The following NR1D2 variants were observed in gnomAD, a reference collection of about 807,000 sequenced individuals.
NR1D2 encodes nuclear receptor subfamily 1 group D member 2.
In NR1D2, 25 loss-of-function variants were observed where a neutral mutation model predicts 52.2. The observed-to-expected ratio is 0.48, with a 90% CI of 0.35 to 0.67. NR1D2 has a LOEUF of 0.67. NR1D2 is among the 30% of genes least tolerant of loss of function. The probability of loss-of-function intolerance (pLI) is 0.01; values close to 1 mark genes in which losing one functional copy is unlikely to be tolerated. For missense variants in NR1D2, 681 were observed against 707.2 expected (o/e 0.96, Z 0.42); for synonymous variants, 259 against 230.1 (o/e 1.13, Z -1.14).
rs549490294 is a variant in NR1D2, at chr3:23,963,379, A to G, written c.1146+774A>G. 5.8e-5 allele frequency: 74 copies of G among 1,268,098 alleles called. No homozygotes were observed. The African/African-American group carries it at 7.0e-4, about 12-fold the overall frequency. 78.6% of individuals were successfully genotyped at this position (1,268,098 alleles called of 1,614,324 possible). A position where few individuals can be genotyped will look rare whatever the true frequency, so the allele number is the denominator to read the frequency against. On this transcript the variant is annotated intron_variant, in intron 5 of 7. Coordinates refer to ENST00000312521, the MANE Select transcript of NR1D2 (RefSeq NM_005126.5). ...TTTCAAAATAGTTGACTCTACCTCAATCTTCATTAAAATTTTTGTTGTCAC... is the reference window on the plus strand; with the variant it reads ...TTTCAAAATAGTTGACTCTACCTCAGTCTTCATTAAAATTTTTGTTGTCAC...
At chr3:23,975,094 C>T (rs1706687169) in intron 7 of NR1D2, among the ~76,000 whole-genome samples, 1 of 152,012 alleles carries the variant, frequency 6.6e-6, no homozygotes, top group South Asian at 2.1e-4. Flanking sequence ...GCTGAGATTA[C>T]AGGAATGAGC....
rs745769624 is a variant in NR1D2 at position 23,956,018 on chromosome 3, G to A, written c.284-19G>A. On this transcript the variant is annotated intron_variant, in intron 2 of 7. Transcript: ENST00000312521. ...GGTGTTTCCTCCTACTTTTTACTTC[G>A]TGTCCTTTTGTGTCCTAGAATTTAG... The A allele has an allele frequency of 2.5e-5, 39 of 1,581,224 alleles. No homozygotes were observed. The highest frequency in any genetic ancestry group is 1.9e-4 in the Admixed American group (11 of 59,380).
At position 23,968,033 on chromosome 3, in the gene NR1D2, C is replaced by T. The variant is rs1455900177; in HGVS notation, c.1543+10C>T. 2 of 1,612,334 alleles carry T rather than the reference C, an allele frequency of 1.2e-6. No individual in the cohort carries two copies. Among genetic ancestry groups the T allele is most frequent in the Admixed American group, 3.3e-5 (2 of 60,008 alleles). On this transcript the variant is annotated intron_variant, in intron 7 of 7. Transcript: ENST00000312521. ...GTCCTGGTATCTGCAGGTAAGCAAGCTGGTTCAAAATTGTGCCACACCTAG... is the reference window on the plus strand; with the variant it reads ...GTCCTGGTATCTGCAGGTAAGCAAGTTGGTTCAAAATTGTGCCACACCTAG...
chr3:23,946,887 C>CA (rs1156886490), intron 1 of NR1D2, among the ~76,000 whole-genome samples: 8 of 152,192 alleles, frequency 5.3e-5, no homozygotes, highest in Admixed American at 5.2e-4. Flanking sequence ...GTTATGGAAA[C>CA]AGCCAGCTTT....
chr3:23,977,188 G>T, intron 7 of NR1D2, 35 bp from the exon 8 acceptor site: 1 of 1,179,306 alleles, frequency 8.5e-7, no homozygotes, highest in Non-Finnish European at 1.1e-6. Context: ...AATTTATCCT[G>T]TTTTTCCTAT....
At chr3:23,946,103 A>G in intron 1 of NR1D2, 1 of 984,002 alleles carries the variant, frequency 1.0e-6, no homozygotes, top group East Asian at 1.2e-4. Context: ...GCCTCGGGGC[A>G]GTGACGTCGC....
At chr3:23,976,119 G>C (rs1388965463) in intron 7 of NR1D2, among the ~76,000 whole-genome samples, 1 of 152,236 alleles carries the variant, frequency 6.6e-6, no homozygotes, top group Non-Finnish European at 1.5e-5. Flanking sequence ...AGGTTTGCCT[G>C]ATTTTAAGAT....
intron 6 of NR1D2, among the ~76,000 whole-genome samples, chr3:23,967,178 C>G (rs1706469374): frequency 1.3e-5 from 2 of 152,076 alleles, no homozygotes; most frequent in African/African-American, 2.4e-5. Flanking sequence ...ATAAAATCAG[C>G]TGGGCGTGGT....
intron 1 of NR1D2, 82 bp downstream of exon 1, chr3:23,945,676 G>T (rs1318049176): frequency 1.5e-5 from 14 of 957,972 alleles, no homozygotes; most frequent in Admixed American, 9.7e-5. Context: ...GCGGCGGCAG[G>T]GGGTGTCCCC....
intron 1 of NR1D2, among the ~76,000 whole-genome samples, chr3:23,947,429 G>T (rs1333072667): frequency 6.6e-6 from 1 of 152,132 alleles, no homozygotes; most frequent in Non-Finnish European, 1.5e-5. Flanking sequence ...TGTTTTTTCT[G>T]ATCACTCATC....
At chr3:23,956,685 G>A (rs1418485325) in intron 3 of NR1D2, among the ~76,000 whole-genome samples, 2 of 152,136 alleles carry the variant, frequency 1.3e-5, no homozygotes, top group Non-Finnish European at 2.9e-5. Flanking sequence ...TGTAAGTTTA[G>A]TTGACTATTT....
rs1422031894 is a variant in NR1D2 at position 23,978,256 on chromosome 3, A to G, written c.*837A>G. 3 of 152,160 alleles carry G rather than the reference A, an allele frequency of 2.0e-5. No homozygotes were observed. Among genetic ancestry groups the G allele is most frequent in the African/African-American group, 7.2e-5 (3 of 41,440 alleles). The allele number at this position is 152,160 out of a possible 1,614,324, so 9.4% of individuals were successfully genotyped here. A position where few individuals can be genotyped will look rare whatever the true frequency, so the allele number is the denominator to read the frequency against. ...ATAATATGTATGTGAATATAGTTAA[A>G]TATATTTCTTCACAATATTTTAAAC... is the stretch of plus-strand genomic sequence containing the variant. On this transcript the variant is annotated 3_prime_UTR_variant, in exon 8 of 8. Transcript: ENST00000312521.
In NR1D2 at chr3:23,977,397, T is replaced by A. The variant is rs1260189312; in HGVS notation, c.1718T>A (p.Leu573Ter). 1 of 1,603,034 alleles carries A rather than the reference T, an allele frequency of 6.2e-7. No homozygotes were observed. Among genetic ancestry groups the A allele is most frequent in the Non-Finnish European group, 8.5e-7 (1 of 1,176,228 alleles). The change falls in exon 8 of 8, where the codon TTG becomes TAG. Residue 573 changes from leucine (L) to a stop codon, truncating the protein, a stop_gained. Transcript: ENST00000312521. LOFTEE classifies it high-confidence loss of function. ...AACAACATGCACTCTGAGGAGCTCT[T>A]GGCCTTTAAAGTTCACCCTTAAGGC... ...SLNNMHSEEL[L>*]AFKVHP
At chr3:23,968,123 A>AT (rs1305345160) in intron 7 of NR1D2, 100 bp downstream of exon 7, 2 of 877,486 alleles carry the variant, frequency 2.3e-6, no homozygotes, top group African/African-American at 3.3e-5. Flanking sequence ...TATAGAGGGA[A>AT]TAAGGCCTTA....
At position 23,974,665 on chromosome 3, in the gene NR1D2, C is replaced by T. The variant is rs150022473; in HGVS notation, c.1544-2558C>T. ...AAAACCATTACTTGAATATCAAAGG[C>T]AAGAGGGACTCTTCAAATCATTACT... is the stretch of plus-strand genomic sequence containing the variant. On this transcript the variant is annotated intron_variant, in intron 7 of 7. Transcript: ENST00000312521. Among the ~76,000 whole-genome samples the T allele has an allele frequency of 6.2e-4, 95 of 152,098 alleles. 1 individual carries two copies. The highest frequency in any genetic ancestry group is 2.2e-3 in the African/African-American group (93 of 41,478).
At chr3:23,963,919 GTTT>G (rs10707974) in intron 5 of NR1D2, among the ~76,000 whole-genome samples, 4 of 140,074 alleles carry the variant, frequency 2.9e-5, no homozygotes, top group Admixed American at 1.4e-4. Flanking sequence ...TCTTTTTGGT[GTTT>G]TTTTTTTTTT....
chr3:23,953,203 G>T (rs1705990041), intron 1 of NR1D2, among the ~76,000 whole-genome samples: 1 of 151,308 alleles, frequency 6.6e-6, no homozygotes, highest in African/African-American at 2.4e-5. Context: ...ATTGGCTGGG[G>T]GTGGTGGCAT....
chr3:23,946,455 T>G (rs6770052), intron 1 of NR1D2: 28,868 of 253,624 alleles, frequency 0.11, 2,591 homozygotes, highest in African/African-American at 0.27. Flanking sequence ...CCCGAGCGAC[T>G]CCCCGCAGAC....
chr3:23,967,051 C>T (rs772468016), intron 6 of NR1D2, among the ~76,000 whole-genome samples: 22 of 151,348 alleles, frequency 1.5e-4, no homozygotes, highest in Non-Finnish European at 2.5e-4. Context: ...ATAGGCCGGG[C>T]GCTGTGGCTC....
Sources: gnomAD v4.1 joint callset for allele counts (sites outside exome capture counted in the v4.1 genomes callset) on GRCh38, gnomAD v4.1.1 for gene constraint, MANE v1.5 for transcripts, NCBI Gene and HGNC (gene_info 2026-07-23, HGNC 2026-07-21) for gene names.